The following USP30 variants were observed in gnomAD, a reference collection of about 807,000 sequenced individuals.
The protein encoded by USP30 is ubiquitin specific peptidase 30, also known as ubiquitin carboxyl-terminal hydrolase 30.
A neutral mutation model predicts 68.2 loss-of-function variants in USP30; 41 were observed. The observed-to-expected ratio is 0.60, with a 90% CI of 0.47 to 0.78. The LOEUF is 0.78. USP30 is among the 30% of genes least tolerant of loss of function. The pLI, the probability that USP30 is intolerant of heterozygous loss-of-function variation, is 0.00. For missense variants in USP30, 522 were observed against 649.4 expected, an observed-to-expected ratio of 0.80 and a Z score of 2.13; for synonymous variants, 229 against 253.7, an observed-to-expected ratio of 0.90 and a Z score of 0.93.
intron 7 of USP30, among the ~76,000 whole-genome samples, chr12:109,076,260 C>G (rs1203634214): frequency 6.6e-6 from 1 of 152,040 alleles, no homozygotes; most frequent in Admixed American, 6.5e-5. Flanking sequence ...GACCTTATAT[C>G]TTGAGATTTT....
chr12:109,067,666 C>A (rs763315802), intron 4 of USP30, 39 bp downstream of exon 4: 4 of 1,582,868 alleles, frequency 2.5e-6, no homozygotes, highest in Non-Finnish European at 2.6e-6. Flanking sequence ...TTGGAGAATC[C>A]TTTCCCCTAG....
rs888842215 is a variant in USP30, at chr12:109,070,427, A to G, written c.481-1185A>G. 7.9e-5 allele frequency among the ~76,000 whole-genome samples: 12 copies of G among 152,092 alleles called. No individual in the cohort carries two copies. The highest frequency in any genetic ancestry group is 7.4e-5 in the Non-Finnish European group (5 of 68,004). Reference sequence around the variant, plus strand: ...TGAAGGATAGGAGGTAGCCGTGCGAAGGTCTGAGCACAGCCCGAAATGGGA... The same window carrying G: ...TGAAGGATAGGAGGTAGCCGTGCGAGGGTCTGAGCACAGCCCGAAATGGGA... On this transcript the variant is annotated intron_variant, in intron 4 of 12. Coordinates refer to ENST00000257548, the MANE Select transcript of USP30 (RefSeq NM_032663.5). This position sits in a 1 kb window ranked among gnomAD's most constrained non-coding sequence, Gnocchi z 4.0.
At chr12:109,036,484 GATGGGGTTTCACC>G (rs1410068431) in intron 3 of USP30, among the ~76,000 whole-genome samples, 1 of 152,010 alleles carries the variant, frequency 6.6e-6, no homozygotes, top group Non-Finnish European at 1.5e-5. Context: ...TTTGGATAGA[GATGGGGTTTCACC>G]ATGTTGGCCT....
At chr12:109,081,622 C>T (rs1051861656) in intron 8 of USP30, 29 of 520,116 alleles carry the variant, frequency 5.6e-5, no homozygotes, top group African/African-American at 2.4e-4. Flanking sequence ...CACGCATGCG[C>T]GCACACACAC....
At chr12:109,036,385 C>T (rs2040520600) in intron 3 of USP30, among the ~76,000 whole-genome samples, 1 of 151,798 alleles carries the variant, frequency 6.6e-6, no homozygotes, top group Admixed American at 6.6e-5. Flanking sequence ...CCTGCAACCT[C>T]CACCTCCCAG....
At chr12:109,041,780 G>A (rs2040567037) in intron 3 of USP30, among the ~76,000 whole-genome samples, 1 of 151,944 alleles carries the variant, frequency 6.6e-6, no homozygotes, top group African/African-American at 2.4e-5. Context: ...ACTTTGGAAG[G>A]TCGAACTGTG....
chr12:109,052,527 C>A, upstream of USP30: 1 of 605,826 alleles, frequency 1.7e-6, no homozygotes, highest in Non-Finnish European at 2.5e-6. Context: ...TACTTCCGGT[C>A]CCCCTGGGAG....
intron 3 of USP30, among the ~76,000 whole-genome samples, chr12:109,064,637 G>C (rs933341392): frequency 6.6e-6 from 1 of 152,152 alleles, no homozygotes; most frequent in Non-Finnish European, 1.5e-5. Flanking sequence ...AGTTTATTCA[G>C]GCATTTGCTT....
In USP30 at chr12:109,060,500, C is replaced by A. The variant is rs570456562; in HGVS notation, c.376+2392C>A. 3.3e-5 allele frequency among the ~76,000 whole-genome samples: 5 copies of A among 152,000 alleles called. No individual in the cohort carries two copies. In the South Asian group the frequency reaches 1.0e-3, roughly 32 times the overall value. On this transcript the variant is annotated intron_variant, in intron 3 of 12. Transcript: ENST00000257548. Reference sequence around the variant, plus strand: ...GGAAGAGGTGACTTGGGAATAATTTCTTTTACTATCCTGTTTTTTTAGCCC... The same window carrying A: ...GGAAGAGGTGACTTGGGAATAATTTATTTTACTATCCTGTTTTTTTAGCCC...
chr12:109,048,370 G>A (rs561507336), upstream of USP30, among the ~76,000 whole-genome samples: 1 of 151,644 alleles, frequency 6.6e-6, no homozygotes, highest in Non-Finnish European at 1.5e-5. Context: ...ATAGGTGTGA[G>A]CCATCGCGCC....
chr12:109,081,468 A>G, intron 8 of USP30, 75 bp downstream of exon 8: 1 of 1,489,828 alleles, frequency 6.7e-7, no homozygotes, highest in Non-Finnish European at 9.3e-7. Flanking sequence ...GAGGCATTTT[A>G]TGTGGCTCAG....
At chr12:109,036,349 G>A (rs1427407382) in intron 3 of USP30, among the ~76,000 whole-genome samples, 2 of 150,340 alleles carry the variant, frequency 1.3e-5, no homozygotes, top group Non-Finnish European at 3.0e-5. Flanking sequence ...CACCCAGGCT[G>A]GAGTGCAGTG....
In USP30 at chr12:109,059,616, C is replaced by A. The variant is rs184773921; in HGVS notation, c.376+1508C>A. Among the ~76,000 whole-genome samples the A allele has an allele frequency of 1.9e-4, 29 of 152,258 alleles. 1 individual carries two copies. The highest frequency in any genetic ancestry group is 7.0e-4 in the African/African-American group (29 of 41,544). ...GCAACCTCCGCCTCCCGGGTTCAAG[C>A]GATTCTTCTGCTTCAGCCTCCCTAG... On this transcript the variant is annotated intron_variant, in intron 3 of 12. Transcript: ENST00000257548.
chr12:109,040,621 G>A (rs1378863378), intron 3 of USP30, among the ~76,000 whole-genome samples: 2 of 152,176 alleles, frequency 1.3e-5, no homozygotes, highest in Admixed American at 1.3e-4. Flanking sequence ...CTGAAGACTT[G>A]ACTGGGGCTG....
intron 8 of USP30, 180 bp downstream of exon 8, chr12:109,081,573 TC>T: frequency 1.4e-6 from 1 of 723,756 alleles, no homozygotes; most frequent in South Asian, 1.9e-5. Context: ...GAATCGTTTT[TC>T]TTTTGCTCCA....
At chr12:109,064,094 G>A (rs550042494) in intron 3 of USP30, among the ~76,000 whole-genome samples, 6 of 151,976 alleles carry the variant, frequency 3.9e-5, no homozygotes, top group African/African-American at 1.2e-4. Flanking sequence ...GGATGGTCTC[G>A]ATCTCTTGAC....
At chr12:109,080,913 T>C (rs558674255) in intron 7 of USP30, among the ~76,000 whole-genome samples, 3 of 152,342 alleles carry the variant, frequency 2.0e-5, no homozygotes, top group Admixed American at 1.3e-4. Context: ...TCTAGGTTCT[T>C]GTAAGCGCGC....
intron 3 of USP30, among the ~76,000 whole-genome samples, chr12:109,040,767 T>G (rs2040559163): frequency 6.6e-6 from 1 of 152,234 alleles, no homozygotes; most frequent in African/African-American, 2.4e-5. Flanking sequence ...GTGACTGGCT[T>G]TTCCCAGAGC....
In USP30 at chr12:109,086,065, C is replaced by G. The variant is rs1202337351; in HGVS notation, c.*134C>G. 2 of 1,348,816 alleles carry G rather than the reference C, an allele frequency of 1.5e-6. No homozygotes were observed. Among genetic ancestry groups the G allele is most frequent in the East Asian group, 5.0e-5 (2 of 39,728 alleles). The allele number at this position is 1,348,816 out of a possible 1,614,324, so 83.6% of individuals were successfully genotyped here. A position where few individuals can be genotyped will look rare whatever the true frequency, so the allele number is the denominator to read the frequency against. ...TTCTGGTGTGTTCTAAGAGCAGGCT[C>G]CACCTGGGAGCCAGCCCCAGTTCAC... On this transcript the variant is annotated 3_prime_UTR_variant, in exon 13 of 13. Coordinates refer to ENST00000257548, the MANE Select transcript of USP30 (RefSeq NM_032663.5).
Sources: gnomAD v4.1 joint callset for allele counts (sites outside exome capture counted in the v4.1 genomes callset) on GRCh38, gnomAD v4.1.1 for gene constraint, Gnocchi (gnomAD v3.1) non-coding constraint, MANE v1.5 for transcripts, NCBI Gene and HGNC (gene_info 2026-07-23, HGNC 2026-07-21) for gene names.